Variants in MAPK10 observed in about 807,000 individuals in gnomAD.
MAPK10 encodes mitogen-activated protein kinase 10.
In MAPK10, 25 loss-of-function variants were observed where a neutral mutation model predicts 59.3. The observed-to-expected ratio is 0.42, with a 90% CI of 0.31 to 0.59. The LOEUF is 0.59. Ranked by LOEUF, MAPK10 falls within the 20% of genes least tolerant of loss-of-function variation. MAPK10 has a pLI of 0.15. For missense variants in MAPK10, 351 were observed against 568.9 expected (o/e 0.62, Z 3.90); for synonymous variants, 190 against 200.5 (o/e 0.95, Z 0.44).
intron 4 of MAPK10, chr4:86,124,465 T>C (rs1008141309): frequency 2.0e-5 from 3 of 150,582 alleles, no homozygotes; most frequent in Non-Finnish European, 4.4e-5. Flanking sequence ...CTCTAAACTT[T>C]GGGTGCTTTT....
intron 2 of MAPK10, among the ~76,000 whole-genome samples, chr4:86,334,865 A>G (rs749924507): frequency 2.0e-5 from 3 of 152,186 alleles, no homozygotes; most frequent in Non-Finnish European, 4.4e-5. Context: ...GATACCTACT[A>G]TGAAAGAAAA....
chr4:86,513,365 C>T (rs1278719646), intron 1 of MAPK10, among the ~76,000 whole-genome samples: 1 of 152,106 alleles, frequency 6.6e-6, no homozygotes, highest in Non-Finnish European at 1.5e-5. Flanking sequence ...TCCTTTAGTC[C>T]ACCTAGTAGA....
intron 2 of MAPK10, among the ~76,000 whole-genome samples, chr4:86,270,910 T>C (rs776849472): frequency 1.3e-5 from 2 of 152,118 alleles, no homozygotes; most frequent in Non-Finnish European, 1.5e-5. Flanking sequence ...CTATAGTTTA[T>C]TCACTTCTTG....
At position 86,386,074 on chromosome 4, in the gene MAPK10, T is replaced by A. The variant is rs17011858; in HGVS notation, c.-121-31430A>T. ...TACAAAAGAATTGCATCCTTCTTCATCATTTCTAATTACGTGTTTAAAATG... is the reference window on the plus strand; with the variant it reads ...TACAAAAGAATTGCATCCTTCTTCAACATTTCTAATTACGTGTTTAAAATG... On this transcript the variant is annotated intron_variant, in intron 1 of 13. Transcript: ENST00000361569. 9.8e-3 allele frequency among the ~76,000 whole-genome samples: 1,488 copies of A among 152,306 alleles called. 19 individuals are homozygous for A. The highest frequency in any genetic ancestry group is 0.034 in the African/African-American group (1,413 of 41,558).
chr4:86,589,999 A>AG (rs1172726535), intron 1 of MAPK10, among the ~76,000 whole-genome samples: 12 of 151,280 alleles, frequency 7.9e-5, no homozygotes, highest in Non-Finnish European at 2.9e-5. Context: ...AAAAAAAAAA[A>AG]GGGAATAGCA....
intron 1 of MAPK10, among the ~76,000 whole-genome samples, chr4:86,553,915 T>A (rs1475827365): frequency 2.0e-5 from 3 of 151,984 alleles, no homozygotes; most frequent in Non-Finnish European, 4.4e-5. Context: ...AGAATTTTTT[T>A]TTATTATTAA....
chr4:86,060,581 T>C (rs1003199983), intron 11 of MAPK10, among the ~76,000 whole-genome samples: 3 of 152,088 alleles, frequency 2.0e-5, no homozygotes, highest in Non-Finnish European at 4.4e-5. Context: ...CTCAGTAATG[T>C]GGTAAGAGAT....
In MAPK10 at chr4:86,498,871, G is replaced by A. The variant is rs200969201; in HGVS notation, c.-263+95039C>T. ...AGATGTAGTTGTGGAACACCAAAGT[G>A]GCACTCAAAGAAAGTAAAATAACAA... On this transcript the variant is annotated intron_variant, in intron 1 of 4. Transcript: ENST00000502302. Among the ~76,000 whole-genome samples, 3 of 152,110 alleles carry A rather than the reference G, an allele frequency of 2.0e-5. No homozygotes were observed. In the East Asian group the frequency reaches 5.8e-4, roughly 29 times the overall value.
intron 2 of MAPK10, chr4:86,327,095 A>G (rs1263233336): frequency 6.6e-6 from 1 of 151,806 alleles, no homozygotes; most frequent in Non-Finnish European, 1.5e-5. Flanking sequence ...ATCAGCCTCC[A>G]GAGTAGCTGT....
intron 4 of MAPK10, among the ~76,000 whole-genome samples, chr4:86,120,853 A>G (rs953485373): frequency 2.0e-5 from 3 of 152,184 alleles, no homozygotes; most frequent in Admixed American, 6.6e-5. Flanking sequence ...CAGCCTTGCT[A>G]CACTGATTTT....
intron 4 of MAPK10, among the ~76,000 whole-genome samples, chr4:86,134,781 T>C (rs2061601837): frequency 6.6e-6 from 1 of 152,188 alleles, no homozygotes; most frequent in South Asian, 2.1e-4. Flanking sequence ...ACCAGGTTCA[T>C]CTCACTAGGG....
intron 5 of MAPK10, among the ~76,000 whole-genome samples, chr4:86,104,087 A>G (rs1369749844): frequency 6.6e-6 from 1 of 152,132 alleles, no homozygotes; most frequent in Non-Finnish European, 1.5e-5. Context: ...TCAAGATTTA[A>G]GCAGCTTCAA....
chr4:86,079,310 C>T (rs1301649695), intron 9 of MAPK10, among the ~76,000 whole-genome samples: 1 of 152,074 alleles, frequency 6.6e-6, no homozygotes, highest in East Asian at 1.9e-4. Flanking sequence ...AATCTATTCA[C>T]TATTATAATC....
intron 1 of MAPK10, among the ~76,000 whole-genome samples, chr4:86,370,084 G>A (rs1400308256): frequency 6.6e-6 from 1 of 152,150 alleles, no homozygotes; most frequent in Non-Finnish European, 1.5e-5. Context: ...ACATAACGTT[G>A]TAAGCTATGA....
In MAPK10 at chr4:86,356,517, T is replaced by G. The variant is rs899348761; in HGVS notation, c.-121-1873A>C. The G allele has an allele frequency of 3.3e-6, 3 of 903,622 alleles. No individual in the cohort carries two copies. In the African/African-American group the frequency reaches 5.4e-5, roughly 16 times the overall value. 56.0% of individuals were successfully genotyped at this position (903,622 alleles called of 1,614,324 possible). A position where few individuals can be genotyped will look rare whatever the true frequency, so the allele number is the denominator to read the frequency against. On this transcript the variant is annotated intron_variant, in intron 1 of 13. Coordinates refer to ENST00000641462, the MANE Select transcript of MAPK10 (RefSeq NM_138982.4). ...GATTCACAATAAGAAATACAGCTTC[T>G]CCCTATTAAATACAGAAAACAAAAG...
At chr4:86,423,770 CATATATATATATATAT>C (rs539111577) in intron 1 of MAPK10, among the ~76,000 whole-genome samples, 2 of 91,600 alleles carry the variant, frequency 2.2e-5, no homozygotes, top group South Asian at 3.0e-4. Flanking sequence ...GATATATATA[CATATATATATATATAT>C]ATATATATAT....
intron 1 of MAPK10, among the ~76,000 whole-genome samples, chr4:86,397,686 C>T (rs1298470712): frequency 6.6e-6 from 1 of 151,946 alleles, no homozygotes; most frequent in South Asian, 2.1e-4. Context: ...TGTTCTTGCA[C>T]CTATCATTCT....
chr4:86,581,647 A>T (rs955401210), intron 1 of MAPK10, among the ~76,000 whole-genome samples: 1 of 149,748 alleles, frequency 6.7e-6, no homozygotes, highest in Non-Finnish European at 1.5e-5. Context: ...GTTGTTTTGT[A>T]TAACTAAGCT....
intron 1 of MAPK10, among the ~76,000 whole-genome samples, chr4:86,507,623 T>TAC (rs1755852021): frequency 2.5e-4 from 8 of 31,896 alleles, no homozygotes; most frequent in Non-Finnish European, 4.7e-4. Flanking sequence ...GAGATATATA[T>TAC]ATATATATAT....
Sources: allele counts gnomAD v4.1 joint callset (sites outside exome capture counted in the v4.1 genomes callset), GRCh38; gene constraint gnomAD v4.1.1; transcripts MANE v1.5; gene names NCBI Gene and HGNC (gene_info 2026-07-23, HGNC 2026-07-21).